Variants in NID2 observed in about 807,000 individuals in gnomAD.
The protein encoded by NID2 is nidogen 2.
In NID2, 83 loss-of-function variants were observed where a neutral mutation model predicts 145.4. The observed-to-expected ratio is 0.57, with a 90% CI of 0.48 to 0.69. The LOEUF is 0.69. Among genes scored for constraint, NID2 ranks in the 30% least tolerant of loss-of-function variants. The probability of loss-of-function intolerance (pLI) is 0.00; values close to 1 mark genes in which losing one functional copy is unlikely to be tolerated. For missense variants in NID2, 1,807 were observed against 1,765.7 expected (o/e 1.02, Z -0.42); for synonymous variants, 739 against 701.3 (o/e 1.05, Z -0.85).
rs66551436 is a variant in NID2 at position 52,030,567 on chromosome 14, A to AGAGAAAGAAAGAAAAGAAAGAAAGAAC, written c.2258-878_2258-877insGTTCTTTCTTTCTTTTCTTTCTTTCTC. ...AAGAAAGAAAGAAAGAAAGAAAGAAAGGAAGGAAGGGAAAGAAAGAAAGAA... is the reference window on the plus strand; with the variant it reads ...AAGAAAGAAAGAAAGAAAGAAAGAAAGAGAAAGAAAGAAAAGAAAGAAAGAACGGAAGGAAGGGAAAGAAAGAAAGAA... On this transcript the variant is annotated intron_variant, in intron 9 of 21. Coordinates refer to ENST00000216286, the MANE Select transcript of NID2 (RefSeq NM_007361.4). 2.7e-3 allele frequency among the ~76,000 whole-genome samples: 273 copies of AGAGAAAGAAAGAAAAGAAAGAAAGAAC among 99,302 alleles called. 3 individuals are homozygous for AGAGAAAGAAAGAAAAGAAAGAAAGAAC. The highest frequency in any genetic ancestry group is 0.01 in the African/African-American group (262 of 26,028). The allele number at this position is 99,302 out of a possible 152,430, so 65.1% of individuals were successfully genotyped here. A position where few individuals can be genotyped will look rare whatever the true frequency, so the allele number is the denominator to read the frequency against.
chr14:52,015,273 G>A lies in NID2; in HGVS notation c.3031C>T (p.Pro1011Ser). ...CAGATGGTCGGGGGCCTCTGGGTGG[G>A]CTCTGAGCAGATGGGGAAGAGGGAA... ...TPPHCGPSPE[P>S]TQRPPTICER... The change falls in exon 15 of 22, where the codon CCC (proline) becomes TCC (serine). Residue 1011 changes from proline to serine, a missense_variant and splice_region_variant. Coordinates refer to ENST00000216286, the MANE Select transcript of NID2 (RefSeq NM_007361.4). The A allele has an allele frequency of 1.2e-6, 2 of 1,606,034 alleles. No individual in the cohort carries two copies.
chr14:52,015,556 C>A (rs17124880), intron 14 of NID2, among the ~76,000 whole-genome samples: 1 of 152,160 alleles, frequency 6.6e-6, no homozygotes, highest in African/African-American at 2.4e-5. Context: ...GAGGTAAGAT[C>A]AGCAGTGCAG....
chr14:52,005,898 AAAG>A, intron 20 of NID2, 49 bp from the exon 21 acceptor site: 1 of 1,382,130 alleles, frequency 7.2e-7, no homozygotes, highest in Non-Finnish European at 1.0e-6. Context: ...TTTACTAGAT[AAAG>A]AAGTCAGTCA....
At chr14:52,051,481 T>C (rs1375641216) in intron 5 of NID2, among the ~76,000 whole-genome samples, 3 of 152,306 alleles carry the variant, frequency 2.0e-5, no homozygotes, top group South Asian at 4.1e-4. Flanking sequence ...GTGCTTTCTA[T>C]TCCATCAGCA....
chr14:52,020,150 A>T lies in NID2; in HGVS notation c.2703T>A (p.Cys901Ter), dbSNP rs755830734. Reference sequence around the variant, plus strand: ...TATTGTAGCAGGTAGCTGCAGGGTGACATCTGTTTTCTGAGCATTCATCTA... The same window carrying T: ...TATTGTAGCAGGTAGCTGCAGGGTGTCATCTGTTTTCTGAGCATTCATCTA... Reference protein sequence around the residue: ...TDVDECSENRCHPAATCYNTP... With the variant: ...TDVDECSENR The change falls in exon 13 of 22, where the codon TGT becomes TGA. Residue 901 changes from cysteine to a stop codon, truncating the protein, a stop_gained. Transcript: ENST00000216286. LOFTEE classifies it high-confidence loss of function. The T allele has an allele frequency of 6.2e-7, 1 of 1,614,082 alleles. No homozygotes were observed. The highest frequency in any genetic ancestry group is 8.5e-7 in the Non-Finnish European group (1 of 1,179,920).
chr14:52,035,297 G>A (rs1269915540), intron 9 of NID2, among the ~76,000 whole-genome samples: 1 of 152,026 alleles, frequency 6.6e-6, no homozygotes, highest in Non-Finnish European at 1.5e-5. Flanking sequence ...CTGAACCACT[G>A]GCAACCACTG....
chr14:52,029,489 G>C (rs984839073), intron 10 of NID2, 58 bp downstream of exon 10: 1 of 1,551,496 alleles, frequency 6.4e-7, no homozygotes, highest in Non-Finnish European at 8.8e-7. Flanking sequence ...CATAAGGCTG[G>C]GGAGGGCAGA....
intron 17 of NID2, 78 bp downstream of exon 17, chr14:52,011,476 G>A: frequency 6.3e-7 from 1 of 1,582,398 alleles, no homozygotes; most frequent in South Asian, 1.1e-5. Flanking sequence ...GAAAAATCGA[G>A]GGGAGACTTC....
In NID2 at chr14:52,054,281, T is replaced by C. The variant is rs1892779609; in HGVS notation, c.808A>G (p.Ile270Val). Reference protein sequence around the residue: ...LGIPGVWAFHIGSTSPLDNVR... With the variant: ...LGIPGVWAFHVGSTSPLDNVR... The stretch of plus-strand genomic sequence containing the variant: ...TTGTCCAACGGGGAAGTGCTGCCGA[T>C]ATGGAAAGCCCACACTCCAGGGATC... Residue 270 changes from isoleucine to valine, a missense_variant, in exon 4 of 22, where the codon ATC (isoleucine) becomes GTC (valine). Transcript: ENST00000216286. 6.2e-7 allele frequency: 1 copy of C among 1,614,132 alleles called. No individual in the cohort carries two copies. The highest frequency in any genetic ancestry group is 8.5e-7 in the Non-Finnish European group (1 of 1,180,010).
rs746700814 is a variant in NID2 at position 52,042,801 on chromosome 14, C to G, written c.1560G>C (p.Gly520=). The G allele has an allele frequency of 6.2e-7, 1 of 1,614,098 alleles. No homozygotes were observed. Among genetic ancestry groups the G allele is most frequent in the Non-Finnish European group, 8.5e-7 (1 of 1,179,962 alleles). ...CHCQSKFYGN[G]KHCLPEGAPH... is the part of the protein sequence containing the mutation. ...AATTACCTTCAGGCAGACAGTGCTT[C>G]CCATTTCCATAAAACTTGGATTGGC... The change falls in exon 6 of 22, where the codon GGG becomes GGC. Residue 520 remains glycine, a synonymous_variant. Coordinates refer to ENST00000216286, the MANE Select transcript of NID2 (RefSeq NM_007361.4).
At chr14:52,019,961 G>T in intron 13 of NID2, 98 bp downstream of exon 13, 4 of 1,484,800 alleles carry the variant, frequency 2.7e-6, no homozygotes, top group East Asian at 2.3e-5. Context: ...ATCCACCAAG[G>T]CTCCAGACCA....
intron 8 of NID2, among the ~76,000 whole-genome samples, chr14:52,040,093 A>G (rs1343508361): frequency 1.3e-5 from 2 of 152,148 alleles, no homozygotes; most frequent in African/African-American, 2.4e-5. Flanking sequence ...GGAGCGTGCC[A>G]CCACACCCTG....
At chr14:52,018,074 C>T (rs1283468555) in intron 14 of NID2, among the ~76,000 whole-genome samples, 1 of 152,200 alleles carries the variant, frequency 6.6e-6, no homozygotes. Flanking sequence ...GCCTCGGCCT[C>T]CCAAAGTGCT....
At chr14:52,039,598 C>T (rs1435858890) in intron 8 of NID2, among the ~76,000 whole-genome samples, 1 of 152,160 alleles carries the variant, frequency 6.6e-6, no homozygotes, top group Non-Finnish European at 1.5e-5. Flanking sequence ...CCCTTGTCTT[C>T]CCTACATCTC....
At chr14:52,030,677 G>T (rs1041347288) in intron 9 of NID2, among the ~76,000 whole-genome samples, 2 of 151,528 alleles carry the variant, frequency 1.3e-5, no homozygotes, top group Non-Finnish European at 2.9e-5. Context: ...AGAAAAGAAA[G>T]AAAAGGAAAA....
chr14:52,060,471 T>TCC (rs982827257), intron 2 of NID2, 115 bp from the exon 3 acceptor site: 8 of 510,882 alleles, frequency 1.6e-5, no homozygotes, highest in African/African-American at 1.5e-4. Context: ...GCAAAGAACT[T>TCC]CCCCTTTTTC....
chr14:52,035,851 T>G (rs1892041734), intron 9 of NID2, among the ~76,000 whole-genome samples: 1 of 124,036 alleles, frequency 8.1e-6, no homozygotes, highest in Non-Finnish European at 1.6e-5. Context: ...GCTAAATTTT[T>G]TTGTGTATAT....
chr14:52,011,921 C>T lies in NID2; in HGVS notation c.3421-238G>A, dbSNP rs959594509. On this transcript the variant is annotated intron_variant, in intron 16 of 21. Coordinates refer to ENST00000216286, the MANE Select transcript of NID2 (RefSeq NM_007361.4). The stretch of plus-strand genomic sequence containing the variant: ...GTTTGTCTCATTTGCAAAATGAGGC[C>T]AATAGTGTACCTGCCTCATATGGTT... 2.3e-4 allele frequency: 108 copies of T among 463,456 alleles called. 3 individuals carry two copies. In the South Asian group the frequency reaches 2.9e-3, roughly 12 times the overall value. The allele number at this position is 463,456 out of a possible 1,614,324, so 28.7% of individuals were successfully genotyped here.
intron 9 of NID2, 92 bp downstream of exon 9, chr14:52,038,655 G>T (rs1892160595): frequency 1.1e-6 from 1 of 950,374 alleles, no homozygotes; most frequent in Non-Finnish European, 1.6e-6. Context: ...ACACAGCATG[G>T]CACTAGGTAA....
Sources: gnomAD v4.1 joint callset for allele counts (sites outside exome capture counted in the v4.1 genomes callset) on GRCh38, gnomAD v4.1.1 for gene constraint, MANE v1.5 for transcripts, NCBI Gene and HGNC (gene_info 2026-07-23, HGNC 2026-07-21) for gene names.